The following MNAT1 variants were observed in gnomAD, a reference collection of about 807,000 sequenced individuals.
The protein encoded by MNAT1 is CDK-activating kinase assembly factor MAT1.
In MNAT1, 43 loss-of-function variants were observed where a neutral mutation model predicts 42.0. The observed-to-expected ratio is 1.02, with a 90% CI of 0.80 to 1.32. MNAT1 has a LOEUF of 1.32. Among genes scored for constraint, MNAT1 ranks in the 40% most tolerant of loss-of-function variants. MNAT1 has a pLI of 0.00. For missense variants in MNAT1, 306 were observed against 350.4 expected, an observed-to-expected ratio of 0.87 and a Z score of 1.01; for synonymous variants, 118 against 120.0, an observed-to-expected ratio of 0.98 and a Z score of 0.11.
chr14:60,740,675 A>G lies in MNAT1; in HGVS notation c.89+5724A>G, dbSNP rs1032787983. On this transcript the variant is annotated intron_variant, in intron 1 of 7. Transcript: ENST00000261245. This position sits in a 1 kb window ranked among gnomAD's most constrained non-coding sequence, Gnocchi z 4.1. ...TTTAGGTGGAAGATTTAGAACAGGAACATTCTAGATATATTATTTTATAAT... is the reference window on the plus strand; with the variant it reads ...TTTAGGTGGAAGATTTAGAACAGGAGCATTCTAGATATATTATTTTATAAT... Among the ~76,000 whole-genome samples, 3 of 152,194 alleles carry G rather than the reference A, an allele frequency of 2.0e-5. No individual in the cohort carries two copies. Among genetic ancestry groups the G allele is most frequent in the Non-Finnish European group, 2.9e-5 (2 of 68,038 alleles).
At chr14:60,743,948 T>A (rs1189580594) in intron 1 of MNAT1, among the ~76,000 whole-genome samples, 1 of 152,178 alleles carries the variant, frequency 6.6e-6, no homozygotes, top group Admixed American at 6.5e-5. Flanking sequence ...TTTTATAGTT[T>A]TCATTTCTCT....
intron 7 of MNAT1, among the ~76,000 whole-genome samples, chr14:60,922,534 C>A (rs2035682964): frequency 1.3e-5 from 2 of 151,826 alleles, no homozygotes; most frequent in South Asian, 4.2e-4. Context: ...CTTTTGTTTT[C>A]TTTGAAGCTT....
At position 60,820,872 on chromosome 14, in the gene MNAT1, T is replaced by C. The variant is rs185070370; in HGVS notation, c.687+2025T>C. Among the ~76,000 whole-genome samples the C allele has an allele frequency of 2.1e-3, 317 of 152,292 alleles. 2 individuals carry two copies. Among genetic ancestry groups the C allele is most frequent in the African/African-American group, 7.3e-3 (305 of 41,570 alleles). On this transcript the variant is annotated intron_variant, in intron 6 of 7. Coordinates refer to ENST00000261245, the MANE Select transcript of MNAT1 (RefSeq NM_002431.4). The stretch of plus-strand genomic sequence containing the variant: ...CTTCCCAGTACACTTAGAATAAAAT[T>C]CAGAATATTATCTACTTTCTCACCT...
chr14:60,813,710 A>T (rs1020823203), intron 5 of MNAT1, among the ~76,000 whole-genome samples: 1 of 152,170 alleles, frequency 6.6e-6, no homozygotes, highest in East Asian at 1.9e-4. Flanking sequence ...TTCATTTGGG[A>T]TACTCAGTCT....
intron 6 of MNAT1, among the ~76,000 whole-genome samples, chr14:60,848,866 A>G (rs1352675071): frequency 6.6e-6 from 1 of 152,196 alleles, no homozygotes; most frequent in Admixed American, 6.5e-5. Context: ...TAGTATATTT[A>G]GTATTTGCAT....
intron 6 of MNAT1, among the ~76,000 whole-genome samples, chr14:60,850,278 A>G (rs947857814): frequency 6.6e-6 from 1 of 152,240 alleles, no homozygotes; most frequent in Non-Finnish European, 1.5e-5. Context: ...TATCCTTGAA[A>G]TGGTAAATAA....
At chr14:60,797,077 GT>G (rs1190039937) in intron 2 of MNAT1, among the ~76,000 whole-genome samples, 3 of 151,890 alleles carry the variant, frequency 2.0e-5, no homozygotes, top group Admixed American at 6.6e-5. Context: ...TTTGTTAATA[GT>G]TTTGGGTTTC....
chr14:60,784,233 A>G (rs1234499976), intron 1 of MNAT1, among the ~76,000 whole-genome samples: 1 of 114,862 alleles, frequency 8.7e-6, no homozygotes, highest in Non-Finnish European at 1.7e-5. Context: ...CATGTTGGCC[A>G]GGCTGGTCTC....
intron 1 of MNAT1, among the ~76,000 whole-genome samples, chr14:60,769,775 C>T (rs1352222958): frequency 6.6e-6 from 1 of 152,180 alleles, no homozygotes; most frequent in African/African-American, 2.4e-5. Context: ...CCGTCTCAGC[C>T]TTCTGAGTAG....
chr14:60,955,257 TTTAGAAAAA>T (rs1384598811), intron 7 of MNAT1, among the ~76,000 whole-genome samples: 2 of 152,150 alleles, frequency 1.3e-5, no homozygotes, highest in Non-Finnish European at 2.9e-5. Flanking sequence ...CTTTTCAGTT[TTTAGAAAAA>T]TTTGAAGAAG....
rs2036666087 is a variant in MNAT1, at chr14:60,965,525, T to G, written c.810-2704T>G. Among the ~76,000 whole-genome samples, 4 of 152,252 alleles carry G rather than the reference T, an allele frequency of 2.6e-5. No individual in the cohort carries two copies. In the South Asian group the frequency reaches 8.3e-4, roughly 32 times the overall value. On this transcript the variant is annotated intron_variant, in intron 7 of 7. Coordinates refer to ENST00000261245, the MANE Select transcript of MNAT1 (RefSeq NM_002431.4). Reference sequence around the variant, plus strand: ...TCAGGATAACATATAAAAAGCTGTATGCACACTGCAAGTTTATGCTCAAAT... The same window carrying G: ...TCAGGATAACATATAAAAAGCTGTAGGCACACTGCAAGTTTATGCTCAAAT...
At chr14:60,786,491 AC>A (rs1438757048) in intron 1 of MNAT1, among the ~76,000 whole-genome samples, 1 of 152,060 alleles carries the variant, frequency 6.6e-6, no homozygotes, top group Admixed American at 6.5e-5. Flanking sequence ...GTTATTGATG[AC>A]CCTCAAGACC....
In MNAT1 at chr14:60,796,298, C is replaced by A; in HGVS notation, c.171C>A (p.Asn57Lys). 2 of 1,613,704 alleles carry A rather than the reference C, an allele frequency of 1.2e-6. No individual in the cohort carries two copies. Among genetic ancestry groups the A allele is most frequent in the East Asian group, 4.5e-5 (2 of 44,846 alleles). ...GTGGTACTCCACTCAGAAAGAGCAACTTCAGGGTACAACTCTTTGAAGATC... is the reference window on the plus strand; with the variant it reads ...GTGGTACTCCACTCAGAAAGAGCAAATTCAGGGTACAACTCTTTGAAGATC... The part of the protein sequence containing the change: ...PECGTPLRKS[N>K]FRVQLFEDPT... Residue 57 changes from asparagine to lysine, a missense_variant, in exon 2 of 8, where the codon AAC (asparagine) becomes AAA (lysine). This residue lies in a region of MNAT1 where 72 missense variants were observed against 111.0 expected (regional missense o/e 0.65). Transcript: ENST00000261245.
At chr14:60,893,306 A>G (rs2139490722) in intron 7 of MNAT1, among the ~76,000 whole-genome samples, 1 of 152,066 alleles carries the variant, frequency 6.6e-6, no homozygotes, top group East Asian at 1.9e-4. Flanking sequence ...AATGATTTTC[A>G]CTTCTTAAAT....
chr14:60,846,985 G>T lies in MNAT1; in HGVS notation c.687+28138G>T, dbSNP rs150265014. Among the ~76,000 whole-genome samples the T allele has an allele frequency of 5.9e-5, 9 of 152,196 alleles. No homozygotes were observed. The East Asian group carries it at 1.5e-3, about 26-fold the overall frequency. On this transcript the variant is annotated intron_variant, in intron 6 of 7. Coordinates refer to ENST00000261245, the MANE Select transcript of MNAT1 (RefSeq NM_002431.4). ...AATTGTTTATTTCTCTCTCAATTCT[G>T]TCCAGCGTTGCTTCATGTATTTTGA...
intron 4 of MNAT1, among the ~76,000 whole-genome samples, chr14:60,810,976 A>G (rs1311639811): frequency 6.6e-6 from 1 of 152,154 alleles, no homozygotes; most frequent in Non-Finnish European, 1.5e-5. Flanking sequence ...TACTGTTACT[A>G]TATTGCTGTC....
intron 1 of MNAT1, among the ~76,000 whole-genome samples, chr14:60,781,773 G>A (rs1298906688): frequency 1.3e-5 from 2 of 151,854 alleles, no homozygotes; most frequent in African/African-American, 4.8e-5. Flanking sequence ...ATTTCTTTTT[G>A]TGTATAGGGT....
At chr14:60,855,123 C>T (rs558429596) in intron 6 of MNAT1, among the ~76,000 whole-genome samples, 2 of 152,186 alleles carry the variant, frequency 1.3e-5, no homozygotes, top group African/African-American at 2.4e-5. Flanking sequence ...TCAGGGAAAA[C>T]CACCTACTAA....
chr14:60,917,613 T>G (rs1277573480), intron 7 of MNAT1, among the ~76,000 whole-genome samples: 5 of 151,506 alleles, frequency 3.3e-5, no homozygotes, highest in Admixed American at 6.6e-5. Context: ...GAGTTTTGTT[T>G]TTTTTTTGTT....
Sources: gnomAD v4.1 joint callset for allele counts (sites outside exome capture counted in the v4.1 genomes callset) on GRCh38, gnomAD v4.1.1 for gene constraint, gnomAD v4.1.1 regional missense constraint, Gnocchi (gnomAD v3.1) non-coding constraint, MANE v1.5 for transcripts, NCBI Gene and HGNC (gene_info 2026-07-23, HGNC 2026-07-21) for gene names.